The following EBF3 variants were observed in gnomAD, a reference collection of about 807,000 sequenced individuals.
The protein encoded by EBF3 is transcription factor COE3.
Under a neutral mutation model 77.1 loss-of-function variants are expected in EBF3, and 18 were observed. That is an observed-to-expected ratio of 0.23 (90% CI 0.16 to 0.35). The LOEUF (loss-of-function observed/expected upper bound fraction) is 0.35. Ranked by LOEUF, EBF3 falls within the 10% of genes least tolerant of loss-of-function variation. The pLI is 1.00. For synonymous variants in EBF3, 350 were observed against 343.5 expected (o/e 1.02, Z -0.21); for missense variants, 558 against 860.0 (o/e 0.65, Z 4.39).
intron 4 of EBF3, among the ~76,000 whole-genome samples, chr10:129,961,873 A>C (rs553858831): frequency 1.3e-5 from 2 of 152,230 alleles, no homozygotes; most frequent in African/African-American, 4.8e-5. Flanking sequence ...AAAATAAACA[A>C]GAGGGGGGAC....
intron 6 of EBF3, among the ~76,000 whole-genome samples, chr10:129,953,287 C>G (rs1036328105): frequency 1.3e-5 from 2 of 152,110 alleles, no homozygotes; most frequent in Admixed American, 1.3e-4. Context: ...TTCCCTATGA[C>G]ACAACGTCAA....
At chr10:129,934,334 C>A (rs1458807003) in intron 6 of EBF3, among the ~76,000 whole-genome samples, 1 of 152,086 alleles carries the variant, frequency 6.6e-6, no homozygotes, top group African/African-American at 2.4e-5. Flanking sequence ...ACTGTGGGTC[C>A]AGCGGGTACT....
intron 10 of EBF3, among the ~76,000 whole-genome samples, chr10:129,866,432 C>T (rs921775090): frequency 1.3e-5 from 2 of 152,204 alleles, no homozygotes; most frequent in Non-Finnish European, 2.9e-5. Context: ...AGTTTAGTTA[C>T]GGCATTTCTC....
rs1486992937 is a variant in EBF3, at chr10:129,938,516, G to A, written c.554+18742C>T. On this transcript the variant is annotated intron_variant, in intron 6 of 16. Transcript: ENST00000440978. The surrounding 1 kb of genome is among the most constrained non-coding windows in gnomAD (Gnocchi z 5.1). The stretch of plus-strand genomic sequence containing the variant: ...TGCAGGGAGCTGTGATTGTGCCACT[G>A]TACCCAGCCTGGGTGGCAGAGTGAG... Among the ~76,000 whole-genome samples the A allele has an allele frequency of 6.6e-6, 1 of 152,112 alleles. No individual in the cohort carries two copies. Among genetic ancestry groups the A allele is most frequent in the African/African-American group, 2.4e-5 (1 of 41,418 alleles).
At chr10:129,895,262 C>T (rs760328119) in intron 6 of EBF3, among the ~76,000 whole-genome samples, 1 of 152,222 alleles carries the variant, frequency 6.6e-6, no homozygotes, top group Non-Finnish European at 1.5e-5. Flanking sequence ...CACCTGGCTG[C>T]TCTTAGCTCC....
At chr10:129,918,769 C>T (rs1177134483) in intron 6 of EBF3, among the ~76,000 whole-genome samples, 4 of 152,214 alleles carry the variant, frequency 2.6e-5, no homozygotes, top group Non-Finnish European at 5.9e-5. Flanking sequence ...GAATCTGGGA[C>T]CTGAGGCTAC....
chr10:129,856,015 G>A (rs779870715), intron 10 of EBF3, among the ~76,000 whole-genome samples: 52 of 152,372 alleles, frequency 3.4e-4, no homozygotes, highest in African/African-American at 1.0e-3. Flanking sequence ...TCCCTGTCCT[G>A]TGCTCTGGGG....
Position 129,836,388 on chromosome 10 carries a change from T to C in EBF3, c.*1555A>G, listed in dbSNP as rs1413543686. On this transcript the variant is annotated 3_prime_UTR_variant, in exon 17 of 17. Coordinates refer to ENST00000440978, the MANE Select transcript of EBF3 (RefSeq NM_001375380.1). The stretch of plus-strand genomic sequence containing the variant: ...GCATCTAAAATGACTTTTTACATTC[T>C]ACAAAAAAATAAAATAAAATAAGGA... The C allele has an allele frequency of 2.0e-5, 3 of 152,182 alleles. No homozygotes were observed. Among genetic ancestry groups the C allele is most frequent in the African/African-American group, 4.8e-5 (2 of 41,404 alleles). The allele number at this position is 152,182 out of a possible 1,614,324, so 9.4% of individuals were successfully genotyped here.
chr10:129,867,508 C>G (rs1018612456), intron 9 of EBF3, among the ~76,000 whole-genome samples: 1 of 152,198 alleles, frequency 6.6e-6, no homozygotes. Flanking sequence ...AAAATTGCCA[C>G]CATATGTCTC....
At chr10:129,866,930 C>T (rs1025167298) in intron 10 of EBF3, among the ~76,000 whole-genome samples, 5 of 152,218 alleles carry the variant, frequency 3.3e-5, no homozygotes, top group Non-Finnish European at 7.3e-5. Flanking sequence ...CACACAGCCA[C>T]GGGGGCTGCC....
At chr10:129,911,294 T>C (rs1855508451) in intron 6 of EBF3, among the ~76,000 whole-genome samples, 1 of 152,100 alleles carries the variant, frequency 6.6e-6, no homozygotes, top group Non-Finnish European at 1.5e-5. Flanking sequence ...CCACAGGCCT[T>C]CTCATCCCAC....
At chr10:129,846,776 G>A (rs1341537953) in intron 11 of EBF3, among the ~76,000 whole-genome samples, 3 of 152,128 alleles carry the variant, frequency 2.0e-5, no homozygotes, top group African/African-American at 7.2e-5. Flanking sequence ...ATCGTTTTAT[G>A]TGAAGCCTGA....
At chr10:129,894,590 G>A (rs1854241893) in intron 6 of EBF3, among the ~76,000 whole-genome samples, 1 of 152,150 alleles carries the variant, frequency 6.6e-6, no homozygotes, top group Non-Finnish European at 1.5e-5. Context: ...TTTCTACTCT[G>A]CTTGGAAGCT....
intron 15 of EBF3, among the ~76,000 whole-genome samples, chr10:129,840,006 G>A (rs1186894391): frequency 6.6e-6 from 1 of 152,256 alleles, no homozygotes; most frequent in Non-Finnish European, 1.5e-5. Flanking sequence ...TACACTAGGT[G>A]CCGTCGGAAG....
intron 6 of EBF3, among the ~76,000 whole-genome samples, chr10:129,913,018 T>C (rs1366570249): frequency 6.6e-6 from 1 of 152,232 alleles, no homozygotes; most frequent in East Asian, 1.9e-4. Context: ...AGCACAACTC[T>C]GGTGTCTGAG....
intron 10 of EBF3, among the ~76,000 whole-genome samples, chr10:129,849,395 A>G (rs984662668): frequency 5.9e-5 from 9 of 152,214 alleles, no homozygotes; most frequent in African/African-American, 1.7e-4. Flanking sequence ...TCGGAGACTA[A>G]TAAGACCTGC....
At chr10:129,941,079 T>G (rs1372670426) in intron 6 of EBF3, among the ~76,000 whole-genome samples, 1 of 152,194 alleles carries the variant, frequency 6.6e-6, no homozygotes, top group African/African-American at 2.4e-5. Flanking sequence ...GAATCTCTCT[T>G]GGAAACTCAG....
At chr10:129,896,639 G>C (rs1192939989) in intron 6 of EBF3, among the ~76,000 whole-genome samples, 1 of 152,346 alleles carries the variant, frequency 6.6e-6, no homozygotes, top group African/African-American at 2.4e-5. Context: ...GCGGTGCACC[G>C]TGCAGCCCTT....
At chr10:129,895,243 T>C (rs1414412632) in intron 6 of EBF3, among the ~76,000 whole-genome samples, 1 of 152,218 alleles carries the variant, frequency 6.6e-6, no homozygotes, top group Non-Finnish European at 1.5e-5. Context: ...CAGCAGGAGT[T>C]TGGGAAGCCA....
Sources: allele counts gnomAD v4.1 joint callset (sites outside exome capture counted in the v4.1 genomes callset), GRCh38; gene constraint gnomAD v4.1.1; non-coding constraint Gnocchi (gnomAD v3.1); transcripts MANE v1.5; gene names NCBI Gene and HGNC (gene_info 2026-07-23, HGNC 2026-07-21).